The following TET2 variants were observed in gnomAD, a reference collection of about 807,000 sequenced individuals.
TET2 encodes methylcytosine dioxygenase TET2.
In TET2, 299 loss-of-function variants were observed where a neutral mutation model predicts 142.9. The ratio of observed to expected loss-of-function variants is 2.09; its 90% confidence interval spans 1.90 to 2.30. The LOEUF (loss-of-function observed/expected upper bound fraction) is 2.30. TET2 is among the 30% of genes most tolerant of loss of function. TET2 has a pLI of 0.00. For synonymous variants in TET2, 819 were observed against 849.0 expected (o/e 0.96, Z 0.61); for missense variants, 2,418 against 2,378.0 (o/e 1.02, Z -0.35).
intron 2 of TET2, among the ~76,000 whole-genome samples, chr4:105,195,868 A>C (rs1726059882): frequency 6.6e-6 from 1 of 152,124 alleles, no homozygotes; most frequent in South Asian, 2.1e-4. Flanking sequence ...TCTTGGTAGG[A>C]GTCTTGGGGA....
At position 105,159,416 on chromosome 4, in the gene TET2, C is replaced by T. The variant is rs371608755; in HGVS notation, c.-193+12437C>T. Among the ~76,000 whole-genome samples, 586 of 152,004 alleles carry T rather than the reference C, an allele frequency of 3.9e-3. 2 individuals carry two copies. Among genetic ancestry groups the T allele is most frequent in the South Asian group, 7.5e-3 (36 of 4,800 alleles). ...GATTATAGGCATGCGCCACCACGCCCGGCTAATTTTGTATTTTTAGTACAG... is the reference window on the plus strand; with the variant it reads ...GATTATAGGCATGCGCCACCACGCCTGGCTAATTTTGTATTTTTAGTACAG... On this transcript the variant is annotated intron_variant, in intron 1 of 10. Coordinates refer to ENST00000380013, the MANE Select transcript of TET2 (RefSeq NM_001127208.3).
At chr4:105,257,562 T>G (rs1304330218) in intron 6 of TET2, among the ~76,000 whole-genome samples, 1 of 152,108 alleles carries the variant, frequency 6.6e-6, no homozygotes, top group African/African-American at 2.4e-5. Flanking sequence ...CCAGGCTATT[T>G]GCAGCTCTGG....
rs1181831375 is a variant in TET2 at position 105,276,708 on chromosome 4, G to C, written c.*189G>C. ...GCACTTAATTTTCACTGGCTCCCAA[G>C]TGGTCACAGATGGCATCTAGGAAAA... is the stretch of plus-strand genomic sequence containing the variant. On this transcript the variant is annotated 3_prime_UTR_variant, in exon 11 of 11. Transcript: ENST00000380013. 6.5e-6 allele frequency: 4 copies of C among 618,254 alleles called. No individual in the cohort carries two copies. Among genetic ancestry groups the C allele is most frequent in the Non-Finnish European group, 1.1e-5 (4 of 377,532 alleles). The allele number at this position is 618,254 out of a possible 1,614,324, so 38.3% of individuals were successfully genotyped here.
At chr4:105,180,743 G>A (rs1725073211) in intron 1 of TET2, among the ~76,000 whole-genome samples, 1 of 151,792 alleles carries the variant, frequency 6.6e-6, no homozygotes, top group Non-Finnish European at 1.5e-5. Context: ...GAGTTCAAGC[G>A]ATTCTCCTGC....
chr4:105,253,419 G>A (rs1449871741), intron 6 of TET2, among the ~76,000 whole-genome samples: 1 of 151,964 alleles, frequency 6.6e-6, no homozygotes, highest in Non-Finnish European at 1.5e-5. Flanking sequence ...TCATTTGGGG[G>A]GGTGCTAATG....
intron 1 of TET2, among the ~76,000 whole-genome samples, chr4:105,181,958 T>C (rs1441891784): frequency 2.0e-5 from 3 of 152,140 alleles, no homozygotes; most frequent in Non-Finnish European, 4.4e-5. Flanking sequence ...ACCTCATACT[T>C]TCATTTTTAT....
chr4:105,236,486 T>TAC lies in TET2; in HGVS notation c.2548_2549dup (p.Pro851IlefsTer23). Reference sequence around the variant, plus strand: ...TAGTTTCAGAGAATAAAGAACAGACTACACATCCTGAACTTTTTGCAGGAA... The same window carrying TAC: ...TAGTTTCAGAGAATAAAGAACAGACTACACACATCCTGAACTTTTTGCAGGAA... On this transcript the variant is annotated frameshift_variant, in exon 3 of 11. Transcript: ENST00000380013. LOFTEE classifies it high-confidence loss of function. 1 of 1,614,092 alleles carries TAC rather than the reference T, an allele frequency of 6.2e-7. No individual in the cohort carries two copies. The highest frequency in any genetic ancestry group is 8.5e-7 in the Non-Finnish European group (1 of 1,179,998).
intron 4 of TET2, chr4:105,242,417 G>A: frequency 4.6e-6 from 5 of 1,083,682 alleles, no homozygotes; most frequent in Non-Finnish European, 5.7e-6. Context: ...TAAATTGTGA[G>A]ACATTCTTGG....
chr4:105,241,530 G>C (rs1729297307), intron 4 of TET2, 101 bp downstream of exon 4: 4 of 1,471,626 alleles, frequency 2.7e-6, no homozygotes, highest in African/African-American at 1.4e-5. Context: ...ATTGTAAATT[G>C]AGTAATTATT....
chr4:105,164,157 T>C (rs1404642787), intron 1 of TET2, among the ~76,000 whole-genome samples: 4 of 152,190 alleles, frequency 2.6e-5, no homozygotes, highest in African/African-American at 9.7e-5. Flanking sequence ...TCATCTGGCA[T>C]AACTGAAACT....
intron 1 of TET2, among the ~76,000 whole-genome samples, chr4:105,148,250 C>T (rs922229785): frequency 3.3e-5 from 5 of 152,124 alleles, no homozygotes; most frequent in Admixed American, 3.3e-4. Flanking sequence ...CTGGTTATTC[C>T]CCTCATGATA....
At chr4:105,229,054 C>T (rs978939409) in intron 2 of TET2, among the ~76,000 whole-genome samples, 3 of 152,164 alleles carry the variant, frequency 2.0e-5, no homozygotes, top group Admixed American at 6.5e-5. Flanking sequence ...TAACCCAATA[C>T]ATTTAAAATA....
chr4:105,238,448 CA>C (rs1752849463), intron 3 of TET2: 1 of 247,568 alleles, frequency 4.0e-6, no homozygotes, highest in South Asian at 1.8e-4. Context: ...TCAGTCCTCT[CA>C]AACTGTGCTG....
intron 6 of TET2, among the ~76,000 whole-genome samples, chr4:105,249,712 T>C (rs1420609777): frequency 6.6e-6 from 1 of 152,224 alleles, no homozygotes; most frequent in Non-Finnish European, 1.5e-5. Flanking sequence ...TTTTCACGTG[T>C]GTATTGACCA....
At position 105,241,345 on chromosome 4, in the gene TET2, T is replaced by C. The variant is rs1269622534; in HGVS notation, c.3416T>C (p.Ile1139Thr). Residue 1139 changes from isoleucine to threonine, a missense_variant, in exon 4 of 11, where the codon ATT becomes ACT. Coordinates refer to ENST00000380013, the MANE Select transcript of TET2 (RefSeq NM_001127208.3). ...DFPSCRCVEQ[I>T]IEKDEGPFYT... is the part of the protein sequence containing the mutation. ...TCTTCTATTATCTCAACAGAGCAAA[T>C]TATTGAAAAAGATGAAGGTCCTTTT... The C allele has an allele frequency of 6.5e-7, 1 of 1,545,264 alleles. No individual in the cohort carries two copies.
intron 2 of TET2, among the ~76,000 whole-genome samples, chr4:105,222,768 T>C (rs1727921384): frequency 6.6e-6 from 1 of 151,932 alleles, no homozygotes; most frequent in Admixed American, 6.6e-5. Flanking sequence ...GCTTTTGGTG[T>C]TTTAGACATG....
Position 105,276,557 on chromosome 4 carries a change from C to T in TET2, c.*38C>T, listed in dbSNP as rs989064765. ...TTGTTGGTTACCTCACTTGAAAAGA[C>T]CACAACCAACCTGTCAGTAGTATAG... On this transcript the variant is annotated 3_prime_UTR_variant, in exon 11 of 11. Transcript: ENST00000380013. 5 of 1,524,378 alleles carry T rather than the reference C, an allele frequency of 3.3e-6. No homozygotes were observed. The highest frequency in any genetic ancestry group is 4.4e-6 in the Non-Finnish European group (5 of 1,132,108). 94.4% of individuals were successfully genotyped at this position (1,524,378 alleles called of 1,614,324 possible). A position where few individuals can be genotyped will look rare whatever the true frequency, so the allele number is the denominator to read the frequency against.
At chr4:105,162,627 A>C (rs1723911135) in intron 1 of TET2, among the ~76,000 whole-genome samples, 1 of 152,230 alleles carries the variant, frequency 6.6e-6, no homozygotes, top group Admixed American at 6.5e-5. Flanking sequence ...AGCTGACTCA[A>C]ACTCTTTTAG....
At chr4:105,200,901 T>C (rs1343087519) in intron 2 of TET2, among the ~76,000 whole-genome samples, 1 of 152,104 alleles carries the variant, frequency 6.6e-6, no homozygotes, top group Non-Finnish European at 1.5e-5. Context: ...CTTCATGATC[T>C]GCCCGCCTCA....
Sources: gnomAD v4.1 joint callset for allele counts (sites outside exome capture counted in the v4.1 genomes callset) on GRCh38, gnomAD v4.1.1 for gene constraint, MANE v1.5 for transcripts, NCBI Gene and HGNC (gene_info 2026-07-23, HGNC 2026-07-21) for gene names.